Variants in SRCAP observed in about 807,000 individuals in gnomAD.
The protein encoded by SRCAP is Snf2 related CREBBP activator protein, also known as chromatin remodeling protein SRCAP.
In SRCAP, 46 loss-of-function variants were observed where a neutral mutation model predicts 263.1. The ratio of observed to expected loss-of-function variants is 0.17; its 90% CI spans 0.14 to 0.22. The LOEUF (loss-of-function observed/expected upper bound fraction) is 0.22, where lower values mean the gene tolerates loss of function less well. Among genes scored for constraint, SRCAP ranks in the 10% least tolerant of loss-of-function variants. SRCAP has a pLI of 1.00. For missense variants in SRCAP, 3,695 were observed against 4,181.9 expected (o/e 0.88, Z 3.21); for synonymous variants, 1,813 against 1,662.1 (o/e 1.09, Z -2.21).
rs2052870658 is a variant in SRCAP at position 30,710,064 on chromosome 16, A to G, written c.1070A>G (p.His357Arg). ...PSSPSQTPSS[H>R]DSDTRDGPEE... ...AGCCCCTCTCAAACCCCCTCATCTC[A>G]TGATAGTGACACCCGAGATGGGCCT... The change falls in exon 8 of 34, where the codon CAT becomes CGT. Residue 357 changes from histidine to arginine, a missense_variant. By Grantham distance (29) the His-to-Arg change is conservative. This residue lies in a region of SRCAP where 288 missense variants were observed against 302.4 expected (regional missense o/e 0.95). Coordinates refer to ENST00000262518, the MANE Select transcript of SRCAP (RefSeq NM_006662.3). 8.1e-6 allele frequency: 13 copies of G among 1,613,184 alleles called. No homozygotes were observed. The highest frequency in any genetic ancestry group is 4.4e-5 in the South Asian group (4 of 91,082).
At position 30,711,651 on chromosome 16, in the gene SRCAP, G is replaced by C. The variant is rs940515907; in HGVS notation, c.1399G>C (p.Glu467Gln). The change falls in exon 11 of 34, where the codon GAA becomes CAA. Residue 467 changes from glutamate to glutamine, a missense_variant. By Grantham distance (29) the Glu-to-Gln change is conservative. Coordinates refer to ENST00000262518, the MANE Select transcript of SRCAP (RefSeq NM_006662.3). The part of the protein sequence containing the change: ...PGSGSSEDED[E>Q]DEVDANSSDC... ...CTCTGGGAGCAGTGAAGATGAGGATGAAGATGAGGTTGATGCTAATAGCTC... is the reference window on the plus strand; with the variant it reads ...CTCTGGGAGCAGTGAAGATGAGGATCAAGATGAGGTTGATGCTAATAGCTC... The C allele has an allele frequency of 6.2e-7, 1 of 1,614,146 alleles. No homozygotes were observed. Among genetic ancestry groups the C allele is most frequent in the Non-Finnish European group, 8.5e-7 (1 of 1,180,026 alleles).
chr16:30,730,347 CT>C (rs1225084680), intron 27 of SRCAP, among the ~76,000 whole-genome samples: 1 of 152,220 alleles, frequency 6.6e-6, no homozygotes, highest in Admixed American at 6.5e-5. Flanking sequence ...TCATTGTTTT[CT>C]TAATGAGCCA....
At chr16:30,701,979 G>C (rs112323860) in intron 3 of SRCAP, among the ~76,000 whole-genome samples, 4,308 of 148,682 alleles carry the variant, frequency 0.029, 183 homozygotes, top group African/African-American at 0.1. Flanking sequence ...TTTTAAGATG[G>C]AGTCTCGCTC....
intron 18 of SRCAP, among the ~76,000 whole-genome samples, chr16:30,719,622 TC>T (rs1342007679): frequency 6.6e-6 from 1 of 151,088 alleles, no homozygotes; most frequent in African/African-American, 2.4e-5. Flanking sequence ...CAAGCAGTCC[TC>T]CCGCCTGAGC....
chr16:30,712,736 T>A lies in SRCAP; in HGVS notation c.2051T>A (p.Met684Lys). ...ACCAGCGTGATGTTGAACTGGGAGATGGAGTTGAAACGGTGGTGCCCCAGC... is the reference window on the plus strand; with the variant it reads ...ACCAGCGTGATGTTGAACTGGGAGAAGGAGTTGAAACGGTGGTGCCCCAGC... ...VPTSVMLNWE[M>K]ELKRWCPSFK... The change falls in exon 14 of 34, where the codon ATG becomes AAG. Residue 684 changes from methionine to lysine, a missense_variant. Coordinates refer to ENST00000262518, the MANE Select transcript of SRCAP (RefSeq NM_006662.3). The A allele has an allele frequency of 1.2e-6, 2 of 1,614,132 alleles. No individual in the cohort carries two copies. The highest frequency in any genetic ancestry group is 1.7e-6 in the Non-Finnish European group (2 of 1,180,016).
rs1288997816 is a variant in SRCAP at position 30,711,565 on chromosome 16, T to C, written c.1319-6T>C. The C allele has an allele frequency of 2.5e-6, 4 of 1,579,054 alleles. No individual in the cohort carries two copies. Among genetic ancestry groups the C allele is most frequent in the African/African-American group, 1.4e-5 (1 of 72,962 alleles). ...AGCAACCAAAAGCTTTTTGTTTCTCTTCCAGGTGAGCTTTCCATGGAGGAG... is the reference window on the plus strand; with the variant it reads ...AGCAACCAAAAGCTTTTTGTTTCTCCTCCAGGTGAGCTTTCCATGGAGGAG... On this transcript the variant is annotated splice_polypyrimidine_tract_variant and splice_region_variant and intron_variant, in intron 10 of 33. Transcript: ENST00000262518.
rs1365953253 is a variant in SRCAP, at chr16:30,740,085, T to C, written c.*352T>C. The C allele has an allele frequency of 6.6e-5, 12 of 182,604 alleles. No individual in the cohort carries two copies. The highest frequency in any genetic ancestry group is 1.0e-4 in the Non-Finnish European group (9 of 88,302). 11.3% of individuals were successfully genotyped at this position (182,604 alleles called of 1,614,324 possible). A position where few individuals can be genotyped will look rare whatever the true frequency, so the allele number is the denominator to read the frequency against. ...CAATGAGGTTTTTTTCTTTTTTTTTTTTTTTTAAGAAGAAAAAATAATAAA... is the reference window on the plus strand; with the variant it reads ...CAATGAGGTTTTTTTCTTTTTTTTTCTTTTTTAAGAAGAAAAAATAATAAA... On this transcript the variant is annotated 3_prime_UTR_variant, in exon 34 of 34. Coordinates refer to ENST00000262518, the MANE Select transcript of SRCAP (RefSeq NM_006662.3).
chr16:30,734,933 C>T (rs571201854), intron 31 of SRCAP, among the ~76,000 whole-genome samples: 1 of 152,100 alleles, frequency 6.6e-6, no homozygotes, highest in Non-Finnish European at 1.5e-5. Context: ...TGGTGGGTAG[C>T]TCATGCCTGT....
In SRCAP at chr16:30,700,759, A is replaced by C; in HGVS notation, c.-66A>C. ...GCAGCCGGACGCCAGCCCCTCGGCC[A>C]GCAGTACTGGTGATAACAACCCAGT... On this transcript the variant is annotated 5_prime_UTR_variant, in exon 3 of 34. Transcript: ENST00000262518. The C allele has an allele frequency of 6.8e-7, 1 of 1,472,658 alleles. No individual in the cohort carries two copies. Among genetic ancestry groups the C allele is most frequent in the Non-Finnish European group, 9.5e-7 (1 of 1,057,708 alleles). 91.2% of individuals were successfully genotyped at this position (1,472,658 alleles called of 1,614,324 possible).
At chr16:30,707,040 TATG>T in intron 4 of SRCAP, 140 bp from the exon 5 acceptor site, 1 of 726,366 alleles carries the variant, frequency 1.4e-6, no homozygotes, top group East Asian at 2.7e-5. Context: ...CTGAAGAGAG[TATG>T]ATACCTGCCT....
intron 25 of SRCAP, 140 bp downstream of exon 25, chr16:30,725,222 G>A: frequency 7.0e-7 from 1 of 1,429,384 alleles, no homozygotes. Flanking sequence ...AGTGACATTT[G>A]GACAAGTCCC....
At chr16:30,713,849 A>G (rs2052916739) in intron 16 of SRCAP, 138 bp downstream of exon 16, 5 of 728,646 alleles carry the variant, frequency 6.9e-6, no homozygotes, top group Non-Finnish European at 1.1e-5. Context: ...GCAGTGTTCT[A>G]GTGACTAACC....
chr16:30,722,035 T>C (rs1163269998), intron 21 of SRCAP, 87 bp from the exon 22 acceptor site: 4 of 1,504,032 alleles, frequency 2.7e-6, no homozygotes, highest in Non-Finnish European at 3.6e-6. Flanking sequence ...AACTGGACAC[T>C]CGGGGGAGAG....
chr16:30,738,316 A>G lies in SRCAP; in HGVS notation c.8276A>G (p.Glu2759Gly). 1 of 1,591,722 alleles carries G rather than the reference A, an allele frequency of 6.3e-7. No homozygotes were observed. The change falls in exon 34 of 34, where the codon GAG (glutamate) becomes GGG (glycine). Residue 2759 changes from glutamate to glycine, a missense_variant. By Grantham distance (98) the Glu-to-Gly change is moderately conservative. Coordinates refer to ENST00000262518, the MANE Select transcript of SRCAP (RefSeq NM_006662.3). ...CCAGGACGGCTGGTAACTGTGGTAGAGGAAAAGGAACTGGTGCGGCGGCGG... is the reference window on the plus strand; with the variant it reads ...CCAGGACGGCTGGTAACTGTGGTAGGGGAAAAGGAACTGGTGCGGCGGCGG... ...KLPGRLVTVV[E>G]EKELVRRRRQ...
At chr16:30,710,671 C>T (rs1487838066) in intron 8 of SRCAP, 83 bp from the exon 9 acceptor site, 1 of 1,365,014 alleles carries the variant, frequency 7.3e-7, no homozygotes, top group Non-Finnish European at 1.0e-6. Flanking sequence ...CAGTGATTCT[C>T]CTGTGACACC....
In SRCAP at chr16:30,710,759, G is replaced by A; in HGVS notation, c.1140G>A (p.Lys380=). Residue 380 remains lysine (K), a synonymous_variant, in exon 9 of 34, where the codon AAG becomes AAA. Transcript: ENST00000262518. ...EEEPPQVLEI[K]PPPSAVTQRN... ...TTTTATCTTTTGCCATACAGATAAA[G>A]CCCCCACCCTCTGCTGTCACACAGC... 1 of 1,614,132 alleles carries A rather than the reference G, an allele frequency of 6.2e-7. No homozygotes were observed. Among genetic ancestry groups the A allele is most frequent in the Non-Finnish European group, 8.5e-7 (1 of 1,180,024 alleles).
chr16:30,735,807 C>G (rs2053155707), intron 31 of SRCAP, among the ~76,000 whole-genome samples: 2 of 152,012 alleles, frequency 1.3e-5, no homozygotes, highest in South Asian at 4.1e-4. Flanking sequence ...TCTCGAACTC[C>G]TGACCTCATG....
intron 18 of SRCAP, among the ~76,000 whole-genome samples, chr16:30,717,993 G>A (rs151066932): frequency 6.6e-6 from 1 of 150,988 alleles, no homozygotes; most frequent in East Asian, 2.0e-4. Context: ...TCCTGGACGA[G>A]TAGCTGGAAC....
rs2053208060 is a variant in SRCAP, at chr16:30,739,904, A to G, written c.*171A>G. On this transcript the variant is annotated 3_prime_UTR_variant, in exon 34 of 34. Transcript: ENST00000262518. ...GGGTAGGCAACTGGTTGTCATGGAA[A>G]TGGGGATCATCACAGTCCCCTTCCC... 7.3e-6 allele frequency: 8 copies of G among 1,097,714 alleles called. No homozygotes were observed. The highest frequency in any genetic ancestry group is 9.8e-6 in the Non-Finnish European group (8 of 812,560). 68.0% of individuals were successfully genotyped at this position (1,097,714 alleles called of 1,614,324 possible). A position where few individuals can be genotyped will look rare whatever the true frequency, so the allele number is the denominator to read the frequency against.
Sources: gnomAD v4.1 joint callset for allele counts (sites outside exome capture counted in the v4.1 genomes callset) on GRCh38, gnomAD v4.1.1 for gene constraint, gnomAD v4.1.1 regional missense constraint, MANE v1.5 for transcripts, NCBI Gene and HGNC (gene_info 2026-07-23, HGNC 2026-07-21) for gene names.